RHBDL2: variants seen among roughly 807,000 people sequenced by gnomAD.
RHBDL2 encodes rhomboid like 2.
Under a neutral mutation model 31.7 loss-of-function variants are expected in RHBDL2, and 26 were observed. That is an observed-to-expected ratio of 0.82 (90% CI 0.60 to 1.14). RHBDL2 has a LOEUF of 1.14. Among genes scored for constraint, RHBDL2 ranks in the 50% most tolerant of loss-of-function variants. The pLI is 0.00. For synonymous variants in RHBDL2, 123 were observed against 127.2 expected (o/e 0.97, Z 0.22); for missense variants, 336 against 364.4 (o/e 0.92, Z 0.63).
chr1:38,896,229 A>C (rs1642917453), intron 4 of RHBDL2, among the ~76,000 whole-genome samples, 160 bp from the exon 5 acceptor site: 1 of 152,264 alleles, frequency 6.6e-6, no homozygotes, highest in South Asian at 2.1e-4. Flanking sequence ...ATAGCTGTAT[A>C]TGCTAACTAC....
At chr1:38,914,925 A>G (rs1643211420) in intron 3 of RHBDL2, among the ~76,000 whole-genome samples, 1 of 150,788 alleles carries the variant, frequency 6.6e-6, no homozygotes, top group Non-Finnish European at 1.5e-5. Context: ...GCTACTCAGG[A>G]GGCTGAGGCA....
chr1:38,929,759 C>G (rs1643420292), intron 1 of RHBDL2: 1 of 161,322 alleles, frequency 6.2e-6, no homozygotes, highest in South Asian at 2.0e-4. Flanking sequence ...TTCTGGGCCA[C>G]AGAGCTTAGC....
At chr1:38,902,384 G>A (rs1204376535) in intron 4 of RHBDL2, among the ~76,000 whole-genome samples, 1 of 142,700 alleles carries the variant, frequency 7.0e-6, no homozygotes, top group Admixed American at 7.1e-5. Context: ...TTTTTGTTTT[G>A]TTTTACTTTA....
chr1:38,923,713 A>G (rs1643341807), intron 1 of RHBDL2, among the ~76,000 whole-genome samples: 1 of 152,224 alleles, frequency 6.6e-6, no homozygotes, highest in Admixed American at 6.5e-5. Flanking sequence ...ACATCTGTCC[A>G]TTCATTTACT....
At chr1:38,893,013 T>G in intron 6 of RHBDL2, 151 bp downstream of exon 6, 1 of 469,562 alleles carries the variant, frequency 2.1e-6, no homozygotes, top group South Asian at 5.6e-5. Flanking sequence ...CCCAGCCTTT[T>G]CTTTTGTACT....
intron 4 of RHBDL2, among the ~76,000 whole-genome samples, chr1:38,902,166 C>T (rs1163536844): frequency 2.0e-5 from 3 of 147,096 alleles, no homozygotes; most frequent in Admixed American, 6.8e-5. Context: ...AGTTTGTTCT[C>T]TAACCACAGT....
In RHBDL2 at chr1:38,886,609, A is replaced by C; in HGVS notation, c.807T>G (p.Asp269Glu). 1 of 1,607,542 alleles carries C rather than the reference A, an allele frequency of 6.2e-7. No homozygotes were observed. The highest frequency in any genetic ancestry group is 8.5e-7 in the Non-Finnish European group (1 of 1,175,582). Residue 269 changes from aspartate (D) to glutamate (E), a missense_variant, in exon 8 of 8, where the codon GAT becomes GAG. Coordinates refer to ENST00000372990, the MANE Select transcript of RHBDL2 (RefSeq NM_017821.5). Reference sequence around the variant, plus strand: ...ACCTTGGATCTTTCAGCAGTGCTTTATCAAAGCAGCTAAACACCGTGTAGC... The same window carrying C: ...ACCTTGGATCTTTCAGCAGTGCTTTCTCAAAGCAGCTAAACACCGTGTAGC... The part of the protein sequence containing the change: ...SIGYTVFSCF[D>E]KALLKDPRFW...
At chr1:38,902,769 T>G (rs1643012259) in intron 4 of RHBDL2, among the ~76,000 whole-genome samples, 1 of 151,272 alleles carries the variant, frequency 6.6e-6, no homozygotes, top group African/African-American at 2.4e-5. Flanking sequence ...CCCAGGCTGG[T>G]CTCAAACTCC....
At chr1:38,931,118 G>A (rs1464275011) in intron 1 of RHBDL2, among the ~76,000 whole-genome samples, 2 of 152,166 alleles carry the variant, frequency 1.3e-5, no homozygotes, top group Admixed American at 6.6e-5. Flanking sequence ...ACAGAAACTG[G>A]GTCTCTGGGG....
intron 6 of RHBDL2, among the ~76,000 whole-genome samples, chr1:38,888,264 G>GT (rs112284434): frequency 6.6e-6 from 1 of 151,936 alleles, no homozygotes; most frequent in African/African-American, 2.4e-5. Flanking sequence ...TGTCCTCTAT[G>GT]TGTCAGGCAT....
In RHBDL2 at chr1:38,895,934, A is replaced by G. The variant is rs770209539; in HGVS notation, c.609+35T>C. 10 of 1,367,180 alleles carry G rather than the reference A, an allele frequency of 7.3e-6. No homozygotes were observed. The Admixed American group carries it at 2.0e-4, about 27-fold the overall frequency. 84.7% of individuals were successfully genotyped at this position (1,367,180 alleles called of 1,614,324 possible). On this transcript the variant is annotated intron_variant, in intron 5 of 7. Coordinates refer to ENST00000372990, the MANE Select transcript of RHBDL2 (RefSeq NM_017821.5). Reference sequence around the variant, plus strand: ...AAGAGTTACTGTTTTCTGTTTTTTTAAGAGACTCGTGGACTCCATCCCCAT... The same window carrying G: ...AAGAGTTACTGTTTTCTGTTTTTTTGAGAGACTCGTGGACTCCATCCCCAT...
chr1:38,930,046 A>C (rs930988961), intron 1 of RHBDL2, among the ~76,000 whole-genome samples: 3 of 152,234 alleles, frequency 2.0e-5, no homozygotes, highest in African/African-American at 4.8e-5. Flanking sequence ...TGACATCAGC[A>C]GTAAGGGCAG....
chr1:38,922,380 A>C (rs1570936645), intron 1 of RHBDL2, among the ~76,000 whole-genome samples: 1 of 102,430 alleles, frequency 9.8e-6, no homozygotes, highest in Non-Finnish European at 1.9e-5. Flanking sequence ...TGAGCCTCCC[A>C]CCTCAGCCTC....
At chr1:38,917,125 C>T (rs906101151) in intron 2 of RHBDL2, among the ~76,000 whole-genome samples, 1 of 148,672 alleles carries the variant, frequency 6.7e-6, no homozygotes, top group South Asian at 2.1e-4. Context: ...TCACGCTACT[C>T]TCCTGCCTCA....
At chr1:38,899,461 G>T (rs1642961611) in intron 4 of RHBDL2, among the ~76,000 whole-genome samples, 1 of 152,160 alleles carries the variant, frequency 6.6e-6, no homozygotes, top group African/African-American at 2.4e-5. Context: ...GGTGTTTGGT[G>T]AGCCCAAGAG....
intron 1 of RHBDL2, among the ~76,000 whole-genome samples, chr1:38,936,942 T>C (rs1034089559): frequency 2.1e-5 from 3 of 146,026 alleles, no homozygotes; most frequent in Non-Finnish European, 4.5e-5. Flanking sequence ...CCGAGTATTC[T>C]CGAGTGTTCT....
intron 6 of RHBDL2, among the ~76,000 whole-genome samples, chr1:38,890,790 C>T (rs1401055381): frequency 3.3e-5 from 5 of 151,646 alleles, no homozygotes; most frequent in Non-Finnish European, 7.4e-5. Context: ...GCCTTGACCT[C>T]CCAGGCTCAA....
chr1:38,904,923 C>T (rs55955352), intron 4 of RHBDL2, among the ~76,000 whole-genome samples: 18,348 of 148,732 alleles, frequency 0.12, 1,459 homozygotes, highest in Non-Finnish European at 0.18. Context: ...CCCAGCTACT[C>T]GGGAGGCTGA....
intron 2 of RHBDL2, among the ~76,000 whole-genome samples, chr1:38,917,319 C>T (rs1371506512): frequency 2.0e-5 from 3 of 152,080 alleles, no homozygotes; most frequent in African/African-American, 4.8e-5. Context: ...GCCCGGCCTA[C>T]AGGAACTTTC....
Sources: allele counts gnomAD v4.1 joint callset (sites outside exome capture counted in the v4.1 genomes callset), GRCh38; gene constraint gnomAD v4.1.1; transcripts MANE v1.5; gene names NCBI Gene and HGNC (gene_info 2026-07-23, HGNC 2026-07-21).